ARHGAP26: variants seen among roughly 807,000 people sequenced by gnomAD.
ARHGAP26 encodes the protein rho GTPase-activating protein 26.
A neutral mutation model predicts 104.8 loss-of-function variants in ARHGAP26; 38 were observed. The observed-to-expected ratio is 0.36, with a 90% CI of 0.28 to 0.48. ARHGAP26 has a LOEUF of 0.48. ARHGAP26 is among the 20% of genes least tolerant of loss of function. ARHGAP26 has a pLI of 0.99. For missense variants in ARHGAP26, 704 were observed against 947.9 expected, an observed-to-expected ratio of 0.74 and a Z score of 3.38; for synonymous variants, 341 against 340.0, an observed-to-expected ratio of 1.00 and a Z score of -0.03.
intron 18 of ARHGAP26, among the ~76,000 whole-genome samples, chr5:143,128,111 C>T (rs1246832144): frequency 6.6e-6 from 1 of 152,166 alleles, no homozygotes; most frequent in Non-Finnish European, 1.5e-5. Context: ...TGCCACAGGG[C>T]TATTTTCTTT....
intron 19 of ARHGAP26, among the ~76,000 whole-genome samples, chr5:143,145,106 T>C (rs1799005228): frequency 6.6e-6 from 1 of 152,230 alleles, no homozygotes; most frequent in Non-Finnish European, 1.5e-5. Flanking sequence ...TTTTATACCC[T>C]CCTTTACTAA....
At chr5:143,037,319 G>A in intron 13 of ARHGAP26, 58 bp downstream of exon 13, 2 of 1,426,756 alleles carry the variant, frequency 1.4e-6, no homozygotes, top group East Asian at 2.4e-5. Context: ...CTGGTGAGGA[G>A]TCAGACCTGC....
At chr5:142,979,030 T>G (rs1260240254) in intron 11 of ARHGAP26, among the ~76,000 whole-genome samples, 2 of 152,200 alleles carry the variant, frequency 1.3e-5, no homozygotes, top group African/African-American at 4.8e-5. Flanking sequence ...GGACTTGGGT[T>G]GGGACTTGAT....
intron 6 of ARHGAP26, among the ~76,000 whole-genome samples, chr5:142,900,402 C>T (rs1396645165): frequency 1.3e-5 from 2 of 152,146 alleles, no homozygotes; most frequent in Non-Finnish European, 2.9e-5. Context: ...TGCCTACTCT[C>T]CCACCACCCA....
At chr5:142,777,514 C>T (rs1025233025) in intron 1 of ARHGAP26, among the ~76,000 whole-genome samples, 1 of 152,220 alleles carries the variant, frequency 6.6e-6, no homozygotes, top group Non-Finnish European at 1.5e-5. Context: ...GGAATACTAA[C>T]CTAGCAGTCA....
intron 20 of ARHGAP26, among the ~76,000 whole-genome samples, chr5:143,162,214 A>G (rs145049642): frequency 0.011 from 1,644 of 151,568 alleles, 13 homozygotes; most frequent in Non-Finnish European, 0.018. Context: ...TCATGGTAGC[A>G]TGGTAGGAGC....
At chr5:142,777,333 C>T (rs1042086738) in intron 1 of ARHGAP26, among the ~76,000 whole-genome samples, 8 of 152,198 alleles carry the variant, frequency 5.3e-5, no homozygotes, top group Admixed American at 3.3e-4. Flanking sequence ...ACAGGCTGGA[C>T]TTCCTAATTC....
At chr5:142,839,391 A>T (rs1397101682) in intron 1 of ARHGAP26, among the ~76,000 whole-genome samples, 2 of 151,988 alleles carry the variant, frequency 1.3e-5, no homozygotes, top group Non-Finnish European at 2.9e-5. Flanking sequence ...TCTTTTACAG[A>T]TATAGGAAGC....
Position 142,859,872 on chromosome 5 carries a change from A to C in ARHGAP26, c.155-13528A>C, listed in dbSNP as rs1315440720. On this transcript the variant is annotated intron_variant, in intron 1 of 22. Transcript: ENST00000645722. ...CTATGATAGGGTTCCTGGGCCGTTC[A>C]TGTTTCTTTGGATGCCATTGTCTCA... The C allele has an allele frequency of 3.3e-5, 5 of 152,370 alleles. No homozygotes were observed. The South Asian group carries it at 1.0e-3, about 32-fold the overall frequency. 9.4% of individuals were successfully genotyped at this position (152,370 alleles called of 1,614,324 possible). A position where few individuals can be genotyped will look rare whatever the true frequency, so the allele number is the denominator to read the frequency against.
intron 17 of ARHGAP26, among the ~76,000 whole-genome samples, chr5:143,097,087 A>C (rs1792440877): frequency 6.6e-6 from 1 of 151,994 alleles, no homozygotes; most frequent in Non-Finnish European, 1.5e-5. Context: ...GCGTGTAATC[A>C]CAGCTCTTTG....
chr5:143,183,098 A>G (rs1432884111), intron 20 of ARHGAP26, among the ~76,000 whole-genome samples: 1 of 152,012 alleles, frequency 6.6e-6, no homozygotes, highest in Non-Finnish European at 1.5e-5. Context: ...AAAAGAAAAA[A>G]AAACCTCATT....
chr5:143,009,621 T>A (rs1360809054), intron 11 of ARHGAP26, among the ~76,000 whole-genome samples: 6 of 152,256 alleles, frequency 3.9e-5, no homozygotes, highest in Non-Finnish European at 7.3e-5. Context: ...TATTCTTTAA[T>A]GATTCTTAGA....
At chr5:143,111,527 C>T (rs531723892) in intron 17 of ARHGAP26, among the ~76,000 whole-genome samples, 2 of 152,286 alleles carry the variant, frequency 1.3e-5, no homozygotes, top group East Asian at 1.9e-4. Flanking sequence ...GAGTGGTTAT[C>T]CCTGGCTCAC....
intron 11 of ARHGAP26, among the ~76,000 whole-genome samples, chr5:143,000,206 C>A (rs1393690188): frequency 6.6e-6 from 1 of 152,186 alleles, no homozygotes; most frequent in Non-Finnish European, 1.5e-5. Context: ...CTACTGTCGA[C>A]AAAGGCTTGG....
chr5:143,173,541 A>G (rs1447829889), intron 20 of ARHGAP26, among the ~76,000 whole-genome samples: 1 of 152,208 alleles, frequency 6.6e-6, no homozygotes, highest in Non-Finnish European at 1.5e-5. Context: ...TTCCGAATTC[A>G]GGCACTTCGC....
intron 11 of ARHGAP26, among the ~76,000 whole-genome samples, chr5:143,009,569 GT>G (rs1388360876): frequency 6.6e-6 from 1 of 152,168 alleles, no homozygotes; most frequent in Admixed American, 6.5e-5. Context: ...CATGGCAGGG[GT>G]TTTGTCATCA....
chr5:143,021,891 T>G (rs1047157999), intron 12 of ARHGAP26, among the ~76,000 whole-genome samples: 6 of 152,230 alleles, frequency 3.9e-5, no homozygotes, highest in Admixed American at 2.6e-4. Flanking sequence ...TCAGTCTTGG[T>G]GCTTTATGAG....
rs536919888 is a variant in ARHGAP26, at chr5:143,029,392, G to GTTTT, written c.1145-7777_1145-7774dup. Among the ~76,000 whole-genome samples the GTTTT allele has an allele frequency of 1.4e-3, 110 of 80,844 alleles. 18 individuals carry two copies. The highest frequency in any genetic ancestry group is 3.9e-3 in the East Asian group (9 of 2,298). 53.0% of individuals were successfully genotyped at this position (80,844 alleles called of 152,430 possible). ...CATGTTAGAAATCCTTTACTTCTCA[G>GTTTT]TTTTTTTTTTTTTTTTTTTTTTTTT... is the stretch of plus-strand genomic sequence containing the variant. On this transcript the variant is annotated intron_variant, in intron 12 of 22. Transcript: ENST00000645722.
chr5:143,207,227 T>C lies in ARHGAP26; in HGVS notation c.2018T>C (p.Leu673Pro), dbSNP rs1358374857. The C allele has an allele frequency of 6.2e-7, 1 of 1,613,932 alleles. No individual in the cohort carries two copies. Among genetic ancestry groups the C allele is most frequent in the African/African-American group, 1.3e-5 (1 of 74,882 alleles). ...CCGAATCCAAGCCCAACTTCACCCCTCTCGCCATCTTGGCCCATGTTCTCG... is the reference window on the plus strand; with the variant it reads ...CCGAATCCAAGCCCAACTTCACCCCCCTCGCCATCTTGGCCCATGTTCTCG... ...LPPNPSPTSP[L>P]SPSWPMFSAP... The change falls in exon 21 of 23, where the codon CTC becomes CCC. Residue 673 changes from leucine (L) to proline (P), a missense_variant. By Grantham distance (98) the Leu-to-Pro change is moderately conservative (BLOSUM62 -3). Coordinates refer to ENST00000645722, the MANE Select transcript of ARHGAP26 (RefSeq NM_001135608.3).
Sources: allele counts gnomAD v4.1 joint callset (sites outside exome capture counted in the v4.1 genomes callset), GRCh38; gene constraint gnomAD v4.1.1; transcripts MANE v1.5; gene names NCBI Gene and HGNC (gene_info 2026-07-23, HGNC 2026-07-21).